The following ANXA13 variants were observed in gnomAD, a reference collection of about 807,000 sequenced individuals.
The protein encoded by ANXA13 is annexin A13.
Under a neutral mutation model 46.6 loss-of-function variants are expected in ANXA13, and 36 were observed. That is an observed-to-expected ratio of 0.77 (90% CI 0.59 to 1.02). ANXA13 has a LOEUF of 1.02. ANXA13 is among the 50% of genes least tolerant of loss of function. The pLI, the probability that ANXA13 is intolerant of heterozygous loss-of-function variation, is 0.00. For missense variants in ANXA13, 417 were observed against 396.5 expected (o/e 1.05, Z -0.44); for synonymous variants, 163 against 152.9 (o/e 1.07, Z -0.49).
At chr8:123,711,835 C>T (rs1356621662) in intron 2 of ANXA13, 2 of 152,162 alleles carry the variant, frequency 1.3e-5, no homozygotes, top group Non-Finnish European at 2.9e-5. Flanking sequence ...GGATGGTTTC[C>T]ATCTCTTGAC....
rs760422424 is a variant in ANXA13, at chr8:123,711,288, C to T, written c.91+1390G>A. On this transcript the variant is annotated intron_variant, in intron 2 of 10. Transcript: ENST00000419625. ...CCAACAACACCTATGAAGGCATCTA[C>T]TCCAGCTGTCAGTCTCAGTACCTTC... Among the ~76,000 whole-genome samples the T allele has an allele frequency of 2.4e-4, 36 of 152,234 alleles. 1 individual carries two copies. The highest frequency in any genetic ancestry group is 4.4e-4 in the Non-Finnish European group (30 of 68,042).
intron 1 of ANXA13, among the ~76,000 whole-genome samples, chr8:123,727,462 TTTAAGCGGTGG>T (rs2129938676): frequency 6.6e-6 from 1 of 152,240 alleles, no homozygotes; most frequent in East Asian, 1.9e-4. Context: ...TGTTTTCCCA[TTTAAGCGGTGG>T]TTCTCAATAA....
Position 123,681,017 on chromosome 8 carries a change from CCT to C in ANXA13, c.*221_*222del. On this transcript the variant is annotated 3_prime_UTR_variant, in exon 11 of 11. Transcript: ENST00000419625. ...ATGCTAAAAGAAAGTGAAGAGGCAG[CCT>C]AGATGCTTGCTAAGCCAGAGTTCAA... 3.9e-6 allele frequency: 2 copies of C among 518,174 alleles called. No homozygotes were observed. Among genetic ancestry groups the C allele is most frequent in the Admixed American group, 2.9e-5 (1 of 34,168 alleles). 32.1% of individuals were successfully genotyped at this position (518,174 alleles called of 1,614,324 possible). A position where few individuals can be genotyped will look rare whatever the true frequency, so the allele number is the denominator to read the frequency against.
At position 123,688,910 on chromosome 8, in the gene ANXA13, C is replaced by T. The variant is rs1813185672; in HGVS notation, c.679G>A (p.Glu227Lys). 6.2e-7 allele frequency: 1 copy of T among 1,613,936 alleles called. No homozygotes were observed. Among genetic ancestry groups the T allele is most frequent in the Non-Finnish European group, 8.5e-7 (1 of 1,179,896 alleles). ...GCCTTCTGCAAGTCGCCTGATGTTTCTTCTTCAATGGCTTCTTCTATGTCT... is the reference window on the plus strand; with the variant it reads ...GCCTTCTGCAAGTCGCCTGATGTTTTTTCTTCAATGGCTTCTTCTATGTCT... The part of the protein sequence containing the change: ...GKDIEEAIEE[E>K]TSGDLQKAYL... Residue 227 changes from glutamate to lysine, a missense_variant, in exon 9 of 11, where the codon GAA becomes AAA. Coordinates refer to ENST00000419625, the MANE Select transcript of ANXA13 (RefSeq NM_004306.4).
At chr8:123,731,800 G>A (rs540351885) in intron 1 of ANXA13, among the ~76,000 whole-genome samples, 19 of 152,266 alleles carry the variant, frequency 1.2e-4, no homozygotes, top group African/African-American at 4.1e-4. Context: ...GGAGAACCCC[G>A]AGAGGCTGAG....
intron 7 of ANXA13, 23 bp downstream of exon 7, chr8:123,693,688 G>A: frequency 1.9e-6 from 3 of 1,582,294 alleles, no homozygotes; most frequent in Non-Finnish European, 2.6e-6. Flanking sequence ...AATTTGCAGA[G>A]ACTGGCATGT....
chr8:123,705,097 T>C (rs1563611871), intron 2 of ANXA13, among the ~76,000 whole-genome samples: 1 of 152,200 alleles, frequency 6.6e-6, no homozygotes, highest in Non-Finnish European at 1.5e-5. Context: ...TCACACGGAT[T>C]AGAGAAAATC....
intron 1 of ANXA13, among the ~76,000 whole-genome samples, chr8:123,725,526 A>G (rs1813965878): frequency 6.6e-6 from 1 of 152,222 alleles, no homozygotes; most frequent in South Asian, 2.1e-4. Context: ...GCCAGAAAAT[A>G]TCCTGGTGAC....
chr8:123,697,331 G>A (rs1291952563), intron 4 of ANXA13, among the ~76,000 whole-genome samples: 3 of 152,332 alleles, frequency 2.0e-5, no homozygotes, highest in Admixed American at 2.0e-4. Context: ...AGTGGGGGAA[G>A]TTGTGTGCCT....
chr8:123,716,779 A>G (rs1813766443), intron 1 of ANXA13, among the ~76,000 whole-genome samples: 1 of 152,122 alleles, frequency 6.6e-6, no homozygotes, highest in Admixed American at 6.5e-5. Context: ...GTTCATTGTT[A>G]ATAGGATAGA....
chr8:123,698,201 G>A (rs1463701282), intron 4 of ANXA13, among the ~76,000 whole-genome samples, 188 bp downstream of exon 4: 2 of 152,238 alleles, frequency 1.3e-5, no homozygotes, highest in Non-Finnish European at 2.9e-5. Context: ...TTAAGTGGCA[G>A]CAACACCAAG....
chr8:123,703,709 AC>A (rs1488694394), intron 2 of ANXA13, among the ~76,000 whole-genome samples: 1 of 152,076 alleles, frequency 6.6e-6, no homozygotes, highest in Non-Finnish European at 1.5e-5. Flanking sequence ...AACTCCTATT[AC>A]CTTTAGATTA....
chr8:123,731,569 T>C (rs1443917217), intron 1 of ANXA13, among the ~76,000 whole-genome samples: 1 of 152,126 alleles, frequency 6.6e-6, no homozygotes, highest in Non-Finnish European at 1.5e-5. Context: ...GTGAGGCAGG[T>C]ATACAAAACA....
rs1813388805 is a variant in ANXA13, at chr8:123,698,563, CCA to C, written c.187-6_187-5del. 3.1e-6 allele frequency: 5 copies of C among 1,613,614 alleles called. No individual in the cohort carries two copies. The Admixed American group carries it at 8.3e-5, about 27-fold the overall frequency. On this transcript the variant is annotated splice_polypyrimidine_tract_variant and splice_region_variant and intron_variant, in intron 3 of 10. Coordinates refer to ENST00000419625, the MANE Select transcript of ANXA13 (RefSeq NM_004306.4). The stretch of plus-strand genomic sequence containing the variant: ...TCTTGAGTACTTCCTCCAGCTCCTA[CCA>C]GAAGACAGTGAGAGACGTGCTGGGA...
intron 10 of ANXA13, among the ~76,000 whole-genome samples, chr8:123,682,224 T>G (rs1181283068): frequency 6.6e-6 from 1 of 152,220 alleles, no homozygotes; most frequent in Non-Finnish European, 1.5e-5. Context: ...AGGATTTATT[T>G]TGAATCTAAT....
intron 1 of ANXA13, among the ~76,000 whole-genome samples, chr8:123,734,871 C>T (rs180678661): frequency 1.3e-5 from 2 of 151,064 alleles, no homozygotes; most frequent in Admixed American, 1.3e-4. Context: ...AACAGCCATA[C>T]TTCAATAATT....
At chr8:123,695,882 G>A (rs1003804978) in intron 4 of ANXA13, among the ~76,000 whole-genome samples, 161 bp from the exon 5 acceptor site, 1 of 151,690 alleles carries the variant, frequency 6.6e-6, no homozygotes, top group Admixed American at 6.6e-5. Context: ...CGCCTGGAGC[G>A]AGTCCCTGGA....
chr8:123,716,973 T>C (rs1248892515), intron 1 of ANXA13, among the ~76,000 whole-genome samples: 2 of 152,204 alleles, frequency 1.3e-5, no homozygotes, highest in African/African-American at 4.8e-5. Flanking sequence ...GGATATTCCA[T>C]TTGTTTTCAA....
chr8:123,688,480 G>T (rs938743543), intron 9 of ANXA13, among the ~76,000 whole-genome samples: 19 of 152,162 alleles, frequency 1.2e-4, no homozygotes, highest in African/African-American at 4.3e-4. Flanking sequence ...AATGGATGCT[G>T]TGGTGTGCCA....
Sources: gnomAD v4.1 joint callset for allele counts (sites outside exome capture counted in the v4.1 genomes callset) on GRCh38, gnomAD v4.1.1 for gene constraint, MANE v1.5 for transcripts, NCBI Gene and HGNC (gene_info 2026-07-23, HGNC 2026-07-21) for gene names.